The following DMD variants were observed in gnomAD, a reference collection of about 807,000 sequenced individuals.
The protein encoded by DMD is dystrophin, also known as mutant dystrophin.
DMD carries 63 observed loss-of-function variants against 330.1 expected under a neutral mutation model. That is an observed-to-expected ratio of 0.19 (90% CI 0.16 to 0.24). DMD has a LOEUF of 0.24. DMD is among the 10% of genes least tolerant of loss of function. DMD has a pLI of 1.00. For missense variants in DMD, 3,344 were observed against 2,684.1 expected, an observed-to-expected ratio of 1.25 and a Z score of -5.43; for synonymous variants, 1,223 against 959.8, an observed-to-expected ratio of 1.27 and a Z score of -5.07.
intron 27 of DMD, among the ~76,000 whole-genome samples, chrX:32,442,276 C>T (rs747559215): frequency 9.1e-4 from 101 of 110,768 alleles, no homozygotes; most frequent in Non-Finnish European, 1.4e-3. Flanking sequence ...ACAACTGCAA[C>T]ATCTGTAACA....
Position 32,770,148 on chromosome X carries a change from T to C in DMD, c.649+39345A>G, listed in dbSNP as rs771947942. Among the ~76,000 whole-genome samples the C allele has an allele frequency of 8.0e-5, 9 of 111,884 alleles. No individual in the cohort carries two copies. In the South Asian group the frequency reaches 2.6e-3, roughly 32 times the overall value. ...AAAAGGCAGGCATAGAAAGCCGGAT[T>C]TTGTTTAGAAAGAACATGGGGTTGT... On this transcript the variant is annotated intron_variant, in intron 7 of 78. Transcript: ENST00000357033.
intron 44 of DMD, among the ~76,000 whole-genome samples, chrX:32,185,725 A>G (rs1400218916): frequency 9.0e-6 from 1 of 111,227 alleles, no homozygotes; most frequent in Non-Finnish European, 1.9e-5. Context: ...TTAGTCTACA[A>G]AAACTTTTAT....
chrX:31,501,519 G>A (rs1289967245), intron 56 of DMD, among the ~76,000 whole-genome samples: 1 of 111,966 alleles, frequency 8.9e-6, no homozygotes, highest in Non-Finnish European at 1.9e-5. Context: ...TCTCTAAAAA[G>A]CTGATAATTT....
intron 1 of DMD, among the ~76,000 whole-genome samples, chrX:33,047,289 A>G (rs141980635): frequency 0.044 from 4,960 of 111,983 alleles, 271 homozygotes; most frequent in African/African-American, 0.15. Flanking sequence ...TTACTGATGT[A>G]CCTAGATTTT....
At chrX:32,127,519 G>A (rs181075544) in intron 44 of DMD, among the ~76,000 whole-genome samples, 5 of 110,819 alleles carry the variant, frequency 4.5e-5, no homozygotes, top group East Asian at 5.7e-4. Context: ...TCTCTAACTC[G>A]AATGAACCCC....
chrX:32,779,073 T>C (rs1384364604), intron 7 of DMD, among the ~76,000 whole-genome samples: 1 of 111,894 alleles, frequency 8.9e-6, no homozygotes, highest in African/African-American at 3.3e-5. Context: ...GCACCAATTA[T>C]TTTTGTAAAC....
chrX:33,023,270 A>G (rs1425429826), intron 1 of DMD, among the ~76,000 whole-genome samples: 2 of 112,005 alleles, frequency 1.8e-5, no homozygotes, highest in African/African-American at 6.5e-5. Context: ...GTTTGCTATT[A>G]GAGACTAAAT....
chrX:32,753,178 T>G (rs1318604458), intron 7 of DMD, among the ~76,000 whole-genome samples: 1 of 111,574 alleles, frequency 9.0e-6, no homozygotes, highest in Non-Finnish European at 1.9e-5. Context: ...TCATTTCTTA[T>G]TCCTCCAGAT....
rs1396026439 is a variant in DMD at position 32,645,166 on chromosome X, T to C, written c.961-14A>G. On this transcript the variant is annotated splice_polypyrimidine_tract_variant and intron_variant, in intron 9 of 78. Transcript: ENST00000357033. ...AGCTTCCAAATGCTGCACAATAAAA[T>C]AAATTGGGTGTTACACAATTAATGT... 4 of 1,205,754 alleles carry C rather than the reference T, an allele frequency of 3.3e-6. No individual in the cohort carries two copies. The highest frequency in any genetic ancestry group is 3.4e-6 in the Non-Finnish European group (3 of 891,730).
intron 44 of DMD, among the ~76,000 whole-genome samples, chrX:32,019,586 T>G (rs1456188092): frequency 9.0e-6 from 1 of 111,440 alleles, no homozygotes; most frequent in Admixed American, 9.6e-5. Context: ...CAAATGTGAT[T>G]ATACTTTTAT....
intron 2 of DMD, among the ~76,000 whole-genome samples, chrX:32,998,931 A>G (rs2093201459): frequency 1.8e-5 from 2 of 111,925 alleles, no homozygotes; most frequent in Admixed American, 1.9e-4. Context: ...TTCCAAAACT[A>G]TAGTTTATAG....
chrX:33,266,949 C>T lies in DMD; in HGVS notation c.7+72310G>A, dbSNP rs1279519785. Among the ~76,000 whole-genome samples, 4 of 109,796 alleles carry T rather than the reference C, an allele frequency of 3.6e-5. No individual in the cohort carries two copies. In the Admixed American group the frequency reaches 3.9e-4, roughly 11 times the overall value. ...GAGAACTGGAACAAAACAAGGATGC[C>T]CACTCTCACCAGTTTTATTAAACAT... On this transcript the variant is annotated intron_variant, in intron 1 of 17. Transcript: ENST00000288447.
chrX:32,682,403 G>T (rs1356531579), intron 9 of DMD, among the ~76,000 whole-genome samples: 1 of 111,433 alleles, frequency 9.0e-6, no homozygotes, highest in Non-Finnish European at 1.9e-5. Context: ...TTTACAACCA[G>T]TCTCATTAGG....
chrX:33,167,354 CCTT>C (rs1303985828), intron 1 of DMD, among the ~76,000 whole-genome samples: 1 of 110,941 alleles, frequency 9.0e-6, no homozygotes, highest in African/African-American at 3.3e-5. Flanking sequence ...AAAATTGTGT[CCTT>C]GAATTTATGC....
At chrX:32,397,493 T>A (rs948246106) in intron 30 of DMD, among the ~76,000 whole-genome samples, 5 of 111,950 alleles carry the variant, frequency 4.5e-5, no homozygotes, top group African/African-American at 1.6e-4. Flanking sequence ...AATTATATCA[T>A]CTTTCCATTA....
intron 43 of DMD, among the ~76,000 whole-genome samples, chrX:32,257,524 C>T (rs1473058863): frequency 1.8e-5 from 2 of 111,502 alleles, no homozygotes; most frequent in East Asian, 5.6e-4. Context: ...ACATCTACAA[C>T]CATCTGATCT....
At chrX:32,554,638 C>A (rs1020252442) in intron 16 of DMD, among the ~76,000 whole-genome samples, 2 of 108,261 alleles carry the variant, frequency 1.8e-5, no homozygotes, top group East Asian at 3.0e-4. Context: ...ATCCCACCAA[C>A]CAACAAAAGC....
chrX:32,678,038 G>C (rs1057397500), intron 9 of DMD, among the ~76,000 whole-genome samples: 3 of 111,863 alleles, frequency 2.7e-5, no homozygotes, highest in African/African-American at 9.7e-5. Flanking sequence ...ACTCACACCA[G>C]GTATCTAAAA....
chrX:31,626,204 C>G (rs898477208), intron 55 of DMD, among the ~76,000 whole-genome samples: 8 of 109,319 alleles, frequency 7.3e-5, no homozygotes, highest in African/African-American at 2.7e-4. Flanking sequence ...AGGCTGGTCT[C>G]GAACTCCTGA....
Sources: gnomAD v4.1 joint callset for allele counts (sites outside exome capture counted in the v4.1 genomes callset) on GRCh38, gnomAD v4.1.1 for gene constraint, MANE v1.5 for transcripts, NCBI Gene and HGNC (gene_info 2026-07-23, HGNC 2026-07-21) for gene names.